The following ARHGEF3 variants were observed in gnomAD, a reference collection of about 807,000 sequenced individuals.
ARHGEF3 encodes the protein 59.8 kDA protein.
Under a neutral mutation model 63.2 loss-of-function variants are expected in ARHGEF3, and 28 were observed. That is an observed-to-expected ratio of 0.44 (90% CI 0.33 to 0.61). The LOEUF (loss-of-function observed/expected upper bound fraction) is 0.61, where lower values mean the gene tolerates loss of function less well. ARHGEF3 is among the 20% of genes least tolerant of loss of function. ARHGEF3 has a pLI of 0.03. For missense variants in ARHGEF3, 533 were observed against 659.3 expected, an observed-to-expected ratio of 0.81 and a Z score of 2.10; for synonymous variants, 266 against 254.2, an observed-to-expected ratio of 1.05 and a Z score of -0.44.
intron 1 of ARHGEF3, among the ~76,000 whole-genome samples, chr3:56,798,800 A>G (rs1405858217): frequency 6.6e-6 from 1 of 152,196 alleles, no homozygotes; most frequent in Non-Finnish European, 1.5e-5. Context: ...GTATCATATC[A>G]CATTTTTCTG....
intron 2 of ARHGEF3, among the ~76,000 whole-genome samples, chr3:56,755,699 C>A (rs1024628059): frequency 3.3e-5 from 5 of 151,956 alleles, no homozygotes; most frequent in Non-Finnish European, 7.3e-5. Context: ...AAATTTGTCA[C>A]ATGAGTTACG....
At position 56,964,278 on chromosome 3, in the gene ARHGEF3, G is replaced by A. The variant is rs537319170; in HGVS notation, c.63-5389C>T. Among the ~76,000 whole-genome samples the A allele has an allele frequency of 8.6e-4, 130 of 151,400 alleles. 1 individual carries two copies. The highest frequency in any genetic ancestry group is 1.5e-3 in the Non-Finnish European group (100 of 67,892). On this transcript the variant is annotated intron_variant, in intron 2 of 12. Coordinates refer to the ARHGEF3 transcript ENST00000338458. ...TGAGGCATGAGAATCACTTGAACCC[G>A]GGAGGCACAGGTTGCAGGGAGCCGA...
At chr3:56,976,193 C>G (rs146741172) in intron 2 of ARHGEF3, among the ~76,000 whole-genome samples, 262 of 151,896 alleles carry the variant, frequency 1.7e-3, no homozygotes, top group African/African-American at 6.0e-3. Context: ...AGGCGACCAC[C>G]ACCACACCTG....
At chr3:57,070,862 C>G (rs1242605930) in intron 1 of ARHGEF3, among the ~76,000 whole-genome samples, 1 of 150,948 alleles carries the variant, frequency 6.6e-6, no homozygotes, top group African/African-American at 2.4e-5. Context: ...GTCCCAGCTA[C>G]TTGGGAGGCT....
chr3:57,054,621 A>G (rs1317866586), intron 1 of ARHGEF3, among the ~76,000 whole-genome samples: 3 of 150,218 alleles, frequency 2.0e-5, no homozygotes, highest in Non-Finnish European at 4.4e-5. Context: ...CCTGGGTGAC[A>G]GAGTGAGACC....
intron 1 of ARHGEF3, among the ~76,000 whole-genome samples, chr3:57,050,217 G>A (rs527569078): frequency 3.9e-5 from 6 of 152,222 alleles, no homozygotes; most frequent in East Asian, 1.9e-4. Flanking sequence ...AAGCCCAATC[G>A]GCCAAGTCAT....
intron 3 of ARHGEF3, among the ~76,000 whole-genome samples, chr3:56,957,951 G>T (rs1700115737): frequency 6.6e-6 from 1 of 152,112 alleles, no homozygotes; most frequent in Admixed American, 6.5e-5. Flanking sequence ...CTATTATGCT[G>T]AGGAAGACAA....
intron 1 of ARHGEF3, chr3:57,074,507 A>G (rs1223473543): frequency 1.8e-6 from 1 of 546,970 alleles, no homozygotes; most frequent in African/African-American, 1.9e-5. Context: ...CACAATCCAG[A>G]TCTCATACTC....
At chr3:56,794,325 T>C (rs1031734651) in intron 1 of ARHGEF3, among the ~76,000 whole-genome samples, 3 of 151,762 alleles carry the variant, frequency 2.0e-5, no homozygotes, top group African/African-American at 7.3e-5. Flanking sequence ...CTGTTTCTAC[T>C]AAAAATACAA....
intron 2 of ARHGEF3, among the ~76,000 whole-genome samples, chr3:56,984,588 G>A (rs1049385035): frequency 6.6e-6 from 1 of 151,868 alleles, no homozygotes; most frequent in Non-Finnish European, 1.5e-5. Context: ...AAAAAGATAA[G>A]GAAAACACTA....
intron 2 of ARHGEF3, among the ~76,000 whole-genome samples, chr3:56,977,120 C>A (rs931321003): frequency 6.6e-6 from 1 of 152,136 alleles, no homozygotes; most frequent in Admixed American, 6.6e-5. Context: ...AGAAATGCCT[C>A]ACAGCTACTA....
At chr3:56,943,473 C>T (rs1365983673) in intron 3 of ARHGEF3, among the ~76,000 whole-genome samples, 2 of 152,204 alleles carry the variant, frequency 1.3e-5, no homozygotes, top group Non-Finnish European at 2.9e-5. Flanking sequence ...AATATTACTG[C>T]TCACTGACAA....
rs950647395 is a variant in ARHGEF3 at position 56,808,148 on chromosome 3, C to T, written c.193-34332G>A. ...CAAAAAAAAAAAAAAAAAGTATCCC[C>T]GGATAGTCTAAAGCTGGAAGGCTTA... On this transcript the variant is annotated intron_variant, in intron 4 of 12. Transcript: ENST00000338458. Among the ~76,000 whole-genome samples the T allele has an allele frequency of 8.6e-5, 13 of 151,594 alleles. No homozygotes were observed. The East Asian group carries it at 1.7e-3, about 20-fold the overall frequency.
Position 57,028,809 on chromosome 3 carries a change from T to C in ARHGEF3, c.62+6279A>G, listed in dbSNP as rs78138734. Among the ~76,000 whole-genome samples the C allele has an allele frequency of 2.2e-4, 33 of 152,178 alleles. No homozygotes were observed. In the South Asian group the frequency reaches 5.4e-3, roughly 25 times the overall value. The stretch of plus-strand genomic sequence containing the variant: ...CGACGATGTTTGGAGCCAATGTATA[T>C]AAAAAGCCCCTCAGGAGGTGCCCCA... On this transcript the variant is annotated intron_variant, in intron 2 of 12. Coordinates refer to the ARHGEF3 transcript ENST00000338458.
chr3:57,013,967 CTGCTCTT>C (rs1292463461), intron 2 of ARHGEF3, among the ~76,000 whole-genome samples: 3 of 152,226 alleles, frequency 2.0e-5, no homozygotes, highest in African/African-American at 7.2e-5. Flanking sequence ...TTTTGTTCCT[CTGCTCTT>C]TGCAATAAAT....
chr3:56,953,888 A>G lies in ARHGEF3; in HGVS notation c.129+4935T>C, dbSNP rs938503970. On this transcript the variant is annotated intron_variant, in intron 3 of 12. Coordinates refer to the ARHGEF3 transcript ENST00000338458. ...AAACAGCTGTGCCTGAAGCTTACCC[A>G]CCTCAGTTTCCCTCAGTCACATAAG... Among the ~76,000 whole-genome samples, 6 of 152,254 alleles carry G rather than the reference A, an allele frequency of 3.9e-5. No individual in the cohort carries two copies. The South Asian group carries it at 1.2e-3, about 32-fold the overall frequency.
intron 3 of ARHGEF3, among the ~76,000 whole-genome samples, chr3:56,934,711 G>C (rs1371173106): frequency 6.6e-6 from 1 of 152,204 alleles, no homozygotes; most frequent in East Asian, 1.9e-4. Context: ...ACGGGGCAGG[G>C]CTTGGGACCT....
intron 4 of ARHGEF3, among the ~76,000 whole-genome samples, chr3:56,810,185 C>T (rs2038014494): frequency 6.6e-6 from 1 of 152,198 alleles, no homozygotes; most frequent in Admixed American, 6.5e-5. Context: ...CAACTACAAA[C>T]TCAGTAATCA....
chr3:56,731,183 A>G (rs2033129283), intron 9 of ARHGEF3, among the ~76,000 whole-genome samples: 1 of 152,200 alleles, frequency 6.6e-6, no homozygotes, highest in African/African-American at 2.4e-5. Context: ...TATGATGCCT[A>G]TGTTAACCCA....
Sources: allele counts gnomAD v4.1 joint callset (sites outside exome capture counted in the v4.1 genomes callset), GRCh38; gene constraint gnomAD v4.1.1; transcripts MANE v1.5; gene names NCBI Gene and HGNC (gene_info 2026-07-23, HGNC 2026-07-21).